Variants in RAPGEF1 observed in about 807,000 individuals in gnomAD.
RAPGEF1 encodes CRK SH3-binding GNRP.
A neutral mutation model predicts 143.3 loss-of-function variants in RAPGEF1; 33 were observed. The observed-to-expected ratio is 0.23, with a 90% CI of 0.17 to 0.31. The LOEUF (loss-of-function observed/expected upper bound fraction) is 0.31. Ranked by LOEUF, RAPGEF1 falls within the 10% of genes least tolerant of loss-of-function variation. The probability of loss-of-function intolerance (pLI) is 1.00; values close to 1 mark genes in which losing one functional copy is unlikely to be tolerated. For missense variants in RAPGEF1, 1,199 were observed against 1,645.4 expected (o/e 0.73, Z 4.69); for synonymous variants, 629 against 676.5 (o/e 0.93, Z 1.09).
At chr9:131,624,772 T>C (rs1382125114) in intron 10 of RAPGEF1, among the ~76,000 whole-genome samples, 1 of 152,238 alleles carries the variant, frequency 6.6e-6, no homozygotes, top group Non-Finnish European at 1.5e-5. Context: ...GCGGGAGCCC[T>C]GGTTTCTGAT....
chr9:131,589,834 G>C, intron 19 of RAPGEF1, 52 bp downstream of exon 19: 1 of 1,519,972 alleles, frequency 6.6e-7, no homozygotes, highest in South Asian at 1.1e-5. Context: ...CAGGTGGAAT[G>C]GAGCCTTTGC....
At chr9:131,736,675 C>T (rs565729073) in intron 1 of RAPGEF1, among the ~76,000 whole-genome samples, 48 of 152,336 alleles carry the variant, frequency 3.2e-4, no homozygotes, top group African/African-American at 1.1e-3. Context: ...GAGCTGCACA[C>T]TATGCGGGAT....
intron 1 of RAPGEF1, among the ~76,000 whole-genome samples, chr9:131,735,481 CA>C (rs1427173610): frequency 1.3e-5 from 2 of 152,180 alleles, no homozygotes; most frequent in African/African-American, 4.8e-5. Flanking sequence ...TGCCTGTATT[CA>C]GGGCAGGCAG....
At chr9:131,684,926 G>A (rs897008858) in intron 1 of RAPGEF1, among the ~76,000 whole-genome samples, 5 of 152,108 alleles carry the variant, frequency 3.3e-5, no homozygotes, top group East Asian at 1.9e-4. Context: ...AACACCCGTC[G>A]AACACAGCCA....
intron 22 of RAPGEF1, among the ~76,000 whole-genome samples, chr9:131,587,531 C>G (rs1953360957): frequency 6.6e-6 from 1 of 152,226 alleles, no homozygotes; most frequent in South Asian, 2.1e-4. Context: ...GCCTCCTCGA[C>G]CAGGTGGCCA....
intron 17 of RAPGEF1, among the ~76,000 whole-genome samples, chr9:131,595,022 G>A (rs1047269376): frequency 1.7e-4 from 26 of 152,246 alleles, no homozygotes; most frequent in Non-Finnish European, 1.8e-4. Context: ...TGCACTCGGC[G>A]CTCAGGATGC....
intron 22 of RAPGEF1, among the ~76,000 whole-genome samples, chr9:131,585,769 C>G (rs1225657744): frequency 6.6e-6 from 1 of 152,018 alleles, no homozygotes. Flanking sequence ...GGTGGCACAG[C>G]TGCTGAGCTC....
chr9:131,639,995 C>G (rs375478359), intron 4 of RAPGEF1, among the ~76,000 whole-genome samples: 6 of 152,166 alleles, frequency 3.9e-5, no homozygotes, highest in Non-Finnish European at 5.9e-5. Flanking sequence ...GGAATGAAAG[C>G]AAACTTTTCA....
At chr9:131,709,744 A>G (rs1835373121) in intron 1 of RAPGEF1, 16 of 1,611,494 alleles carry the variant, frequency 9.9e-6, no homozygotes, top group Non-Finnish European at 1.3e-5. Context: ...GCAGCAACTG[A>G]GGACCGAGTC....
At chr9:131,637,704 G>A (rs1966738971) in intron 5 of RAPGEF1, among the ~76,000 whole-genome samples, 2 of 152,214 alleles carry the variant, frequency 1.3e-5, no homozygotes, top group South Asian at 4.1e-4. Flanking sequence ...GCTAAGGCCT[G>A]ACTGCTCCGT....
At chr9:131,656,640 C>G (rs1972546542) in intron 1 of RAPGEF1, among the ~76,000 whole-genome samples, 1 of 152,168 alleles carries the variant, frequency 6.6e-6, no homozygotes, top group Non-Finnish European at 1.5e-5. Flanking sequence ...TTCAGGCAGG[C>G]ATGGGGCTGA....
chr9:131,637,981 C>T (rs562242058), intron 5 of RAPGEF1, among the ~76,000 whole-genome samples: 1 of 152,346 alleles, frequency 6.6e-6, no homozygotes, highest in East Asian at 1.9e-4. Context: ...CTGCCTGCAG[C>T]CCTGGCCCTG....
At chr9:131,637,332 G>A (rs1308991993) in intron 5 of RAPGEF1, among the ~76,000 whole-genome samples, 1 of 152,158 alleles carries the variant, frequency 6.6e-6, no homozygotes, top group Non-Finnish European at 1.5e-5. Context: ...AGACACGTCA[G>A]CCTCCCCTTA....
intron 15 of RAPGEF1, among the ~76,000 whole-genome samples, chr9:131,599,398 A>G (rs1440178864): frequency 2.8e-5 from 4 of 144,534 alleles, no homozygotes; most frequent in Non-Finnish European, 6.0e-5. Context: ...TAAGATTATA[A>G]GCATGAGCCA....
Position 131,579,605 on chromosome 9 carries a change from G to T in RAPGEF1, c.3684C>A (p.Phe1228Leu), listed in dbSNP as rs771831646. 6.2e-7 allele frequency: 1 copy of T among 1,614,034 alleles called. No individual in the cohort carries two copies. Among genetic ancestry groups the T allele is most frequent in the Non-Finnish European group, 8.5e-7 (1 of 1,179,886 alleles). Residue 1228 changes from phenylalanine to leucine, a missense_variant, in exon 27 of 27, where the codon TTC becomes TTA. By Grantham distance (22) the Phe-to-Leu change is conservative. Around this residue, in one of 6 missense-constraint regions of RAPGEF1, gnomAD observed 67 missense variants for 105.4 expected, o/e 0.64. Transcript: ENST00000683357. ...MRRNDDIINF[F>L]NDFSDHLAEE... ...CAGCCAGGTGGTCACTGAAGTCATT[G>T]AAGAAGTTTATAATGTCGTCGTTCC...
chr9:131,649,774 TC>T (rs1160745570), intron 3 of RAPGEF1, among the ~76,000 whole-genome samples: 1 of 152,118 alleles, frequency 6.6e-6, no homozygotes, highest in East Asian at 1.9e-4. Context: ...AGAAGCCTTT[TC>T]CCTTCTAAAC....
Position 131,584,263 on chromosome 9 carries a change from G to T in RAPGEF1, c.3414+48C>A. ...ACAGCTAGTCGCCTGAGGGCTGGGC[G>T]GCCCCCCTTACCAGCCACCCTCCCG... On this transcript the variant is annotated intron_variant, in intron 24 of 26. Transcript: ENST00000683357. This position sits in a 1 kb window ranked among gnomAD's most constrained non-coding sequence, Gnocchi z 6.8. The T allele has an allele frequency of 1.3e-6, 2 of 1,505,372 alleles. No individual in the cohort carries two copies. The highest frequency in any genetic ancestry group is 1.8e-6 in the Non-Finnish European group (2 of 1,100,348). 93.3% of individuals were successfully genotyped at this position (1,505,372 alleles called of 1,614,324 possible).
intron 1 of RAPGEF1, chr9:131,710,034 C>A: frequency 2.6e-6 from 2 of 780,134 alleles, no homozygotes; most frequent in Non-Finnish European, 3.1e-6. Context: ...ATTTTATGTC[C>A]AAATACTTTT....
chr9:131,647,378 G>C (rs1377739814), intron 3 of RAPGEF1, among the ~76,000 whole-genome samples: 1 of 152,188 alleles, frequency 6.6e-6, no homozygotes, highest in African/African-American at 2.4e-5. Flanking sequence ...CAGCATGTCT[G>C]AAACCACCCA....
Sources: allele counts gnomAD v4.1 joint callset (sites outside exome capture counted in the v4.1 genomes callset), GRCh38; gene constraint gnomAD v4.1.1; regional missense constraint gnomAD v4.1.1; non-coding constraint Gnocchi (gnomAD v3.1); transcripts MANE v1.5; gene names NCBI Gene and HGNC (gene_info 2026-07-23, HGNC 2026-07-21).